Variants in HAL observed in about 807,000 individuals in gnomAD.
The protein encoded by HAL is histidase.
HAL carries 85 observed loss-of-function variants against 81.1 expected under a neutral mutation model. That is an observed-to-expected ratio of 1.05 (90% CI 0.88 to 1.25). The LOEUF is 1.25. Among genes scored for constraint, HAL ranks in the 50% most tolerant of loss-of-function variants. The probability of loss-of-function intolerance (pLI) is 0.00; values close to 1 mark genes in which losing one functional copy is unlikely to be tolerated. For synonymous variants in HAL, 301 were observed against 309.2 expected, an observed-to-expected ratio of 0.97 and a Z score of 0.28; for missense variants, 798 against 836.6, an observed-to-expected ratio of 0.95 and a Z score of 0.57.
At chr12:95,976,224 A>C (rs764898738) in intron 20 of HAL, 22 of 622,600 alleles carry the variant, frequency 3.5e-5, no homozygotes, top group Non-Finnish European at 6.4e-5. Flanking sequence ...TAATCCTTAG[A>C]TATTCAACCG....
Position 95,974,282 on chromosome 12 carries a change from G to A in HAL, c.1924C>T (p.Gln642Ter). The change falls in exon 21 of 21, where the codon CAA (glutamine) becomes TAA (stop). Residue 642 changes from glutamine to a stop codon, truncating the protein, a stop_gained. Transcript: ENST00000261208. LOFTEE classifies it high-confidence loss of function. ...RPLSPTAFSL[Q>*]FLHKKSTKIP... ...TTGGTGGATTTCTTGTGCAGAAATT[G>A]CAGTGAAAAGGCTGTTGGAGAAAGA... is the stretch of plus-strand genomic sequence containing the variant. The A allele has an allele frequency of 6.2e-7, 1 of 1,613,528 alleles. No individual in the cohort carries two copies. The highest frequency in any genetic ancestry group is 8.5e-7 in the Non-Finnish European group (1 of 1,179,444).
At position 95,973,984 on chromosome 12, in the gene HAL, G is replaced by A; in HGVS notation, c.*248C>T. The A allele has an allele frequency of 3.7e-6, 2 of 539,872 alleles. No individual in the cohort carries two copies. The highest frequency in any genetic ancestry group is 4.2e-5 in the South Asian group (2 of 47,260). The allele number at this position is 539,872 out of a possible 1,614,324, so 33.4% of individuals were successfully genotyped here. On this transcript the variant is annotated 3_prime_UTR_variant, in exon 21 of 21. Coordinates refer to ENST00000261208, the MANE Select transcript of HAL (RefSeq NM_002108.4). ...TAAGAGTGAGTGGCCTGTTGAAACT[G>A]TTAAGAAAGAAAGAAAAGTTTTATA...
chr12:95,994,853 G>A, intron 3 of HAL, 28 bp from the exon 4 acceptor site: 1 of 1,613,476 alleles, frequency 6.2e-7, no homozygotes, highest in Non-Finnish European at 8.5e-7. Flanking sequence ...AACATATAGG[G>A]TGGTGTGGAA....
At chr12:95,990,302 G>A in intron 10 of HAL, 91 bp downstream of exon 10, 4 of 1,036,562 alleles carry the variant, frequency 3.9e-6, no homozygotes, top group South Asian at 1.3e-5. Context: ...TCACTGGGCT[G>A]TTGTAAGGAC....
chr12:95,996,020 C>T, intron 1 of HAL, 29 bp from the exon 2 acceptor site: 1 of 1,019,162 alleles, frequency 9.8e-7, no homozygotes, highest in Non-Finnish European at 1.5e-6. Flanking sequence ...ACTTTCAAAC[C>T]ACTCCCCCTC....
rs1950033606 is a variant in HAL, at chr12:95,996,130, G to C, written c.-134C>G. 1.7e-6 allele frequency: 1 copy of C among 572,138 alleles called. No individual in the cohort carries two copies. The highest frequency in any genetic ancestry group is 2.6e-5 in the Admixed American group (1 of 38,268). The allele number at this position is 572,138 out of a possible 1,614,324, so 35.4% of individuals were successfully genotyped here. On this transcript the variant is annotated 5_prime_UTR_variant, in exon 1 of 21. Transcript: ENST00000261208. ...AGCAGGGGCAGGAGCAGGGGATGCA[G>C]ACGGGTGAGCCTCCTGTCCACTTTC...
rs369678710 is a variant in HAL, at chr12:95,993,904, T to A, written c.484+22A>T. ...TTTTGTTTGTTTATAAAAATATTTA[T>A]AACATAAAGATAAAAAGATACCTGT... On this transcript the variant is annotated intron_variant, in intron 6 of 20. Transcript: ENST00000261208. 95 of 1,509,556 alleles carry A rather than the reference T, an allele frequency of 6.3e-5. No homozygotes were observed. In the African/African-American group the frequency reaches 1.2e-3, roughly 19 times the overall value. The allele number at this position is 1,509,556 out of a possible 1,614,324, so 93.5% of individuals were successfully genotyped here. A position where few individuals can be genotyped will look rare whatever the true frequency, so the allele number is the denominator to read the frequency against.
In HAL at chr12:95,995,776, G is replaced by A. The variant is rs777619603; in HGVS notation, c.135C>T (p.Phe45=). 7 of 1,613,668 alleles carry A rather than the reference G, an allele frequency of 4.3e-6. No homozygotes were observed. Among genetic ancestry groups the A allele is most frequent in the African/African-American group, 1.3e-5 (1 of 75,074 alleles). ...YIKNKPDNGG[F]TSVDDAHFLV... Reference sequence around the variant, plus strand: ...GGAAGTGCGCGTCATCCACGGAGGTGAAGCCACCATTGTCGGGCTTATTCT... The same window carrying A: ...GGAAGTGCGCGTCATCCACGGAGGTAAAGCCACCATTGTCGGGCTTATTCT... The change falls in exon 2 of 21, where the codon TTC becomes TTT. Residue 45 remains phenylalanine (F), a synonymous_variant. Transcript: ENST00000261208.
intron 9 of HAL, among the ~76,000 whole-genome samples, chr12:95,991,351 T>C (rs1949968117): frequency 6.6e-6 from 1 of 152,198 alleles, no homozygotes. Flanking sequence ...TTGACCAAGT[T>C]TAGCCATTCA....
intron 2 of HAL, 84 bp from the exon 3 acceptor site, chr12:95,995,077 G>C: frequency 9.9e-7 from 1 of 1,012,728 alleles, no homozygotes; most frequent in Middle Eastern, 2.9e-4. Context: ...GCCCATCATT[G>C]GCCCATGAAT....
At position 95,974,348 on chromosome 12, in the gene HAL, T is replaced by C. The variant is rs369075607; in HGVS notation, c.1858A>G (p.Ile620Val). The change falls in exon 21 of 21, where the codon ATT becomes GTT. Residue 620 changes from isoleucine (I) to valine (V), a missense_variant. Physicochemically the swap from Ile to Val is conservative, Grantham distance 29 (BLOSUM62 3). Transcript: ENST00000261208. ...ATATGCTCCATTCTGTATTTTTCAA[T>C]GTATGGAGCAGCTACTTCCCAAACC... is the stretch of plus-strand genomic sequence containing the variant. ...QKVWEVAAPY[I>V]EKYRMEHIPE... is the part of the protein sequence containing the mutation. 8 of 1,613,118 alleles carry C rather than the reference T, an allele frequency of 5.0e-6. No homozygotes were observed. Among genetic ancestry groups the C allele is most frequent in the African/African-American group, 1.3e-5 (1 of 74,904 alleles).
Position 95,995,917 on chromosome 12 carries a change from G to A in HAL, c.-7C>T, listed in dbSNP as rs757218014. The stretch of plus-strand genomic sequence containing the variant: ...GCACCGTGTATCTGGGCATGGCTCC[G>A]CTGCAGCCTGAGGTCCTCAGCTGGT... On this transcript the variant is annotated 5_prime_UTR_variant, in exon 2 of 21. Transcript: ENST00000261208. The A allele has an allele frequency of 1.2e-5, 20 of 1,602,132 alleles. No homozygotes were observed. The highest frequency in any genetic ancestry group is 2.2e-5 in the East Asian group (1 of 44,876).
intron 9 of HAL, 132 bp from the exon 10 acceptor site, chr12:95,990,664 T>C: frequency 1.3e-6 from 1 of 759,654 alleles, no homozygotes; most frequent in African/African-American, 1.7e-5. Context: ...CATAGATACC[T>C]GGGGAAAGAC....
chr12:95,977,888 C>T (rs1230219525), intron 18 of HAL, 56 bp downstream of exon 18: 2 of 1,599,792 alleles, frequency 1.3e-6, no homozygotes, highest in African/African-American at 1.3e-5. Context: ...CACTTGAGAA[C>T]CACGGGCACA....
chr12:95,974,689 G>A (rs1026894072), intron 20 of HAL, among the ~76,000 whole-genome samples: 2 of 152,162 alleles, frequency 1.3e-5, no homozygotes, highest in Non-Finnish European at 2.9e-5. Flanking sequence ...GTGAAGGATA[G>A]TTGCTCCAGG....
At chr12:95,988,573 G>A (rs1224420257) in intron 10 of HAL, among the ~76,000 whole-genome samples, 3 of 152,116 alleles carry the variant, frequency 2.0e-5, no homozygotes, top group Admixed American at 1.3e-4. Context: ...CTGACATGCA[G>A]GCATCTGACA....
intron 10 of HAL, among the ~76,000 whole-genome samples, chr12:95,988,730 C>T (rs1592847208): frequency 6.6e-6 from 1 of 152,218 alleles, no homozygotes; most frequent in South Asian, 2.1e-4. Context: ...TTTTGTGGCA[C>T]ATGTGTGAGC....
At chr12:95,976,206 T>C (rs925862136) in intron 20 of HAL, 3 of 584,012 alleles carry the variant, frequency 5.1e-6, no homozygotes, top group Admixed American at 2.9e-5. Context: ...AAAATCCATT[T>C]CTGTTTCTAA....
chr12:95,993,644 A>G (rs1289696279), intron 7 of HAL, 128 bp downstream of exon 7: 9 of 824,232 alleles, frequency 1.1e-5, no homozygotes, highest in Middle Eastern at 2.2e-4. Flanking sequence ...ACCAACTCAC[A>G]TGCAAGGTAA....
Sources: gnomAD v4.1 joint callset for allele counts (sites outside exome capture counted in the v4.1 genomes callset) on GRCh38, gnomAD v4.1.1 for gene constraint, MANE v1.5 for transcripts, NCBI Gene and HGNC (gene_info 2026-07-23, HGNC 2026-07-21) for gene names.